The following MEGF11 variants were observed in gnomAD, a reference collection of about 807,000 sequenced individuals.
MEGF11 encodes multiple epidermal growth factor-like domains protein 11.
MEGF11 carries 126 observed loss-of-function variants against 146.6 expected under a neutral mutation model. That is an observed-to-expected ratio of 0.86 (90% CI 0.74 to 1.00). MEGF11 has a LOEUF of 1.00. Among genes scored for constraint, MEGF11 ranks in the 50% least tolerant of loss-of-function variants. The pLI, the probability that MEGF11 is intolerant of heterozygous loss-of-function variation, is 0.00. For missense variants in MEGF11, 1,509 were observed against 1,521.2 expected, an observed-to-expected ratio of 0.99 and a Z score of 0.13; for synonymous variants, 532 against 583.4, an observed-to-expected ratio of 0.91 and a Z score of 1.27.
chr15:66,211,098 C>T (rs2091433450), intron 1 of MEGF11, among the ~76,000 whole-genome samples: 3 of 152,226 alleles, frequency 2.0e-5, no homozygotes, highest in Non-Finnish European at 4.4e-5. Flanking sequence ...CCAAGGTGCA[C>T]CTCACCAGAA....
intron 1 of MEGF11, among the ~76,000 whole-genome samples, chr15:66,179,163 C>G (rs2090473561): frequency 6.6e-6 from 1 of 152,150 alleles, no homozygotes; most frequent in South Asian, 2.1e-4. Flanking sequence ...GATGAAGTCT[C>G]TCTCTGTCAT....
chr15:65,930,022 CAG>C, intron 11 of MEGF11, 139 bp from the exon 12 acceptor site: 2 of 847,808 alleles, frequency 2.4e-6, no homozygotes, highest in Non-Finnish European at 3.6e-6. Flanking sequence ...ACATTCCACA[CAG>C]AGTTCAGAAA....
rs75878914 is a variant in MEGF11 at position 66,190,110 on chromosome 15, G to T, written c.-8-61699C>A. Among the ~76,000 whole-genome samples the T allele has an allele frequency of 7.9e-3, 1,205 of 152,286 alleles. 14 individuals are homozygous for T. Among genetic ancestry groups the T allele is most frequent in the African/African-American group, 0.027 (1,133 of 41,542 alleles). The stretch of plus-strand genomic sequence containing the variant: ...ATGGGCCCCCAGAGCAATCAAATCC[G>T]AATCTCGGCATGTCTAAGCTCTCTG... On this transcript the variant is annotated intron_variant, in intron 1 of 25. Coordinates refer to ENST00000395614, the MANE Select transcript of MEGF11 (RefSeq NM_001385028.1).
chr15:66,143,456 CCT>C (rs1391288175), intron 1 of MEGF11, among the ~76,000 whole-genome samples: 1 of 152,204 alleles, frequency 6.6e-6, no homozygotes, highest in Admixed American at 6.5e-5. Context: ...TCACCAAGCC[CCT>C]GTCCCATGGG....
chr15:65,928,461 C>G lies in MEGF11; in HGVS notation c.1639G>C (p.Val547Leu). ...GCCAGGCAGCAGCAGTGGCCTGTGACGGGGTCACATCCATCAGCATGGCTG... is the reference window on the plus strand; with the variant it reads ...GCCAGGCAGCAGCAGTGGCCTGTGAGGGGGTCACATCCATCAGCATGGCTG... ...DCSHADGCDPVTGHCCCLAGW... is the reference protein window; with the variant it reads ...DCSHADGCDPLTGHCCCLAGW... Residue 547 changes from valine (V) to leucine (L), a missense_variant, in exon 13 of 26, where the codon GTC becomes CTC. By Grantham distance (32) the Val-to-Leu change is conservative (BLOSUM62 1). Transcript: ENST00000395614. 1.2e-6 allele frequency: 2 copies of G among 1,603,128 alleles called. No individual in the cohort carries two copies. The highest frequency in any genetic ancestry group is 1.1e-5 in the South Asian group (1 of 88,860).
chr15:66,183,979 A>G (rs1222266281), intron 1 of MEGF11, among the ~76,000 whole-genome samples: 1 of 152,232 alleles, frequency 6.6e-6, no homozygotes, highest in Non-Finnish European at 1.5e-5. Flanking sequence ...AAAAAAGAGT[A>G]CATATTCATA....
At chr15:66,063,534 G>T (rs1391235500) in intron 5 of MEGF11, among the ~76,000 whole-genome samples, 1 of 152,212 alleles carries the variant, frequency 6.6e-6, no homozygotes, top group East Asian at 1.9e-4. Flanking sequence ...CCAGGCCATA[G>T]TTCCAGCCCC....
At chr15:66,226,420 G>C (rs2091853857) in intron 1 of MEGF11, among the ~76,000 whole-genome samples, 2 of 151,920 alleles carry the variant, frequency 1.3e-5, no homozygotes, top group Admixed American at 6.6e-5. Flanking sequence ...GCTAATTTTT[G>C]TATTTTTAGT....
rs541879954 is a variant in MEGF11 at position 66,027,797 on chromosome 15, C to T, written c.395-45309G>A. Among the ~76,000 whole-genome samples the T allele has an allele frequency of 2.6e-5, 4 of 152,284 alleles. No homozygotes were observed. In the East Asian group the frequency reaches 7.7e-4, roughly 29 times the overall value. On this transcript the variant is annotated intron_variant, in intron 5 of 25. Coordinates refer to ENST00000395614, the MANE Select transcript of MEGF11 (RefSeq NM_001385028.1). Reference sequence around the variant, plus strand: ...CTCCTCTCCTGTTGGCCTGATGTCCCCTGGAGAGCATTGGGCTTAGGATCA... The same window carrying T: ...CTCCTCTCCTGTTGGCCTGATGTCCTCTGGAGAGCATTGGGCTTAGGATCA...
chr15:66,176,017 C>A (rs1020839708), intron 1 of MEGF11, among the ~76,000 whole-genome samples: 1 of 152,164 alleles, frequency 6.6e-6, no homozygotes, highest in African/African-American at 2.4e-5. Flanking sequence ...TCTGAACAGA[C>A]ATTTCTCTAA....
intron 3 of MEGF11, among the ~76,000 whole-genome samples, chr15:66,120,250 G>T (rs1169308861): frequency 1.3e-5 from 2 of 152,198 alleles, no homozygotes; most frequent in Non-Finnish European, 2.9e-5. Context: ...TCAAAATGGG[G>T]TATTCATAGG....
At chr15:66,036,368 G>A (rs1395834487) in intron 5 of MEGF11, among the ~76,000 whole-genome samples, 1 of 152,244 alleles carries the variant, frequency 6.6e-6, no homozygotes, top group African/African-American at 2.4e-5. Flanking sequence ...AGCTAAGGCA[G>A]TATTGCTTTT....
intron 24 of MEGF11, among the ~76,000 whole-genome samples, chr15:65,903,885 C>T: frequency 6.6e-6 from 1 of 152,064 alleles, no homozygotes; most frequent in East Asian, 1.9e-4. Flanking sequence ...TGTATTGGTC[C>T]CCAACACCTG....
intron 18 of MEGF11, 74 bp from the exon 19 acceptor site, chr15:65,915,672 T>G (rs1052235360): frequency 2.6e-6 from 4 of 1,562,628 alleles, no homozygotes; most frequent in Non-Finnish European, 3.5e-6. Flanking sequence ...TAGACAGCTA[T>G]GGCAATAAGC....
chr15:66,130,162 G>A (rs978785754), intron 1 of MEGF11, among the ~76,000 whole-genome samples: 1 of 152,232 alleles, frequency 6.6e-6, no homozygotes, highest in African/African-American at 2.4e-5. Flanking sequence ...TCTCCTCTGG[G>A]AGATTCAACC....
chr15:66,158,068 A>G (rs894679292), intron 1 of MEGF11, among the ~76,000 whole-genome samples: 19 of 152,188 alleles, frequency 1.2e-4, no homozygotes, highest in Admixed American at 9.8e-4. Context: ...TGAAATGTTC[A>G]CTTGCGTGAA....
chr15:65,997,841 G>A (rs979883143), intron 5 of MEGF11, among the ~76,000 whole-genome samples: 1 of 152,220 alleles, frequency 6.6e-6, no homozygotes, highest in Non-Finnish European at 1.5e-5. Context: ...CAATGAGAGG[G>A]ACTTCCTTTC....
At chr15:66,127,651 G>T (rs1466924068) in intron 2 of MEGF11, among the ~76,000 whole-genome samples, 1 of 152,180 alleles carries the variant, frequency 6.6e-6, no homozygotes, top group Non-Finnish European at 1.5e-5. Context: ...TTGGGTCTCT[G>T]GTCACTGTCT....
At chr15:66,158,190 C>T (rs1370682128) in intron 1 of MEGF11, among the ~76,000 whole-genome samples, 3 of 152,200 alleles carry the variant, frequency 2.0e-5, no homozygotes, top group Admixed American at 6.5e-5. Flanking sequence ...ATTTTCACCC[C>T]TCTAGCCAGA....
Sources: allele counts gnomAD v4.1 joint callset (sites outside exome capture counted in the v4.1 genomes callset), GRCh38; gene constraint gnomAD v4.1.1; transcripts MANE v1.5; gene names NCBI Gene and HGNC (gene_info 2026-07-23, HGNC 2026-07-21).